The following TRPC6 variants were observed in gnomAD, a reference collection of about 807,000 sequenced individuals.
The protein encoded by TRPC6 is short transient receptor potential channel 6.
TRPC6 carries 55 observed loss-of-function variants against 90.7 expected under a neutral mutation model. The observed-to-expected ratio is 0.61, with a 90% CI of 0.49 to 0.76. The LOEUF is 0.76. Ranked by LOEUF, TRPC6 falls within the 30% of genes least tolerant of loss-of-function variation. TRPC6 has a pLI of 0.00. For synonymous variants in TRPC6, 393 were observed against 393.0 expected, an observed-to-expected ratio of 1.00 and a Z score of 0.00; for missense variants, 989 against 1,122.7, an observed-to-expected ratio of 0.88 and a Z score of 1.70.
chr11:101,542,603 C>T (rs893691358), intron 1 of TRPC6, among the ~76,000 whole-genome samples: 4 of 146,240 alleles, frequency 2.7e-5, no homozygotes, highest in Non-Finnish European at 4.5e-5. Context: ...TAAAAAGCTA[C>T]AGCATTAAAA....
At chr11:101,522,978 G>A (rs1032667657) in intron 1 of TRPC6, among the ~76,000 whole-genome samples, 1 of 152,202 alleles carries the variant, frequency 6.6e-6, no homozygotes, top group African/African-American at 2.4e-5. Context: ...ACAGAGTCTA[G>A]AGATGTCAGG....
At chr11:101,495,722 A>G (rs886476236) in intron 2 of TRPC6, among the ~76,000 whole-genome samples, 1 of 151,406 alleles carries the variant, frequency 6.6e-6, no homozygotes, top group African/African-American at 2.4e-5. Context: ...GTCATGTTGG[A>G]ATTCCTGGAT....
chr11:101,486,576 A>G (rs563866911), intron 4 of TRPC6, among the ~76,000 whole-genome samples: 3 of 152,268 alleles, frequency 2.0e-5, no homozygotes, highest in African/African-American at 7.2e-5. Flanking sequence ...AACAAAAACA[A>G]TTGATATTTG....
chr11:101,502,995 C>T (rs906014589), intron 2 of TRPC6, among the ~76,000 whole-genome samples: 1 of 152,218 alleles, frequency 6.6e-6, no homozygotes, highest in African/African-American at 2.4e-5. Context: ...ATATTCACTT[C>T]TGTAAAACAT....
chr11:101,515,307 G>A (rs1423404532), intron 1 of TRPC6, among the ~76,000 whole-genome samples: 1 of 152,106 alleles, frequency 6.6e-6, no homozygotes, highest in African/African-American at 2.4e-5. Context: ...TTGTTCGTTT[G>A]TTTTTTCCCT....
chr11:101,576,760 T>C (rs1862079763), intron 1 of TRPC6, among the ~76,000 whole-genome samples: 2 of 152,222 alleles, frequency 1.3e-5, no homozygotes, highest in South Asian at 4.1e-4. Flanking sequence ...AATTGCCTTA[T>C]GAAGTTACTT....
chr11:101,525,314 T>C (rs1370862778), intron 1 of TRPC6, among the ~76,000 whole-genome samples: 1 of 152,228 alleles, frequency 6.6e-6, no homozygotes, highest in African/African-American at 2.4e-5. Flanking sequence ...TTAGCTTCAG[T>C]TTCACCACCT....
At chr11:101,557,824 T>G (rs972544888) in intron 1 of TRPC6, among the ~76,000 whole-genome samples, 5 of 152,112 alleles carry the variant, frequency 3.3e-5, no homozygotes, top group Non-Finnish European at 7.4e-5. Context: ...GTGACTGTCT[T>G]CTACAAGGAA....
At chr11:101,565,663 C>G (rs1007216602) in intron 1 of TRPC6, among the ~76,000 whole-genome samples, 1 of 151,932 alleles carries the variant, frequency 6.6e-6, no homozygotes, top group African/African-American at 2.4e-5. Flanking sequence ...ATTTCTGCCC[C>G]TAAAATATAT....
chr11:101,474,528 C>T (rs1859368811), intron 6 of TRPC6, among the ~76,000 whole-genome samples: 1 of 152,044 alleles, frequency 6.6e-6, no homozygotes, highest in Admixed American at 6.6e-5. Context: ...GAGAGGATAA[C>T]AAGAAACTAA....
chr11:101,492,545 G>T (rs1392675385), intron 2 of TRPC6, among the ~76,000 whole-genome samples: 1 of 151,876 alleles, frequency 6.6e-6, no homozygotes, highest in Non-Finnish European at 1.5e-5. Context: ...TCATGCCACT[G>T]TCACTCTAGC....
At chr11:101,558,392 TACATATACACACAC>T (rs1861629613) in intron 1 of TRPC6, among the ~76,000 whole-genome samples, 1 of 79,120 alleles carries the variant, frequency 1.3e-5, no homozygotes, top group South Asian at 3.4e-4. Context: ...TATACATGTA[TACATATACACACAC>T]ACATATACAC....
chr11:101,488,895 T>C, intron 4 of TRPC6, 42 bp downstream of exon 4: 1 of 1,611,598 alleles, frequency 6.2e-7, no homozygotes, highest in Non-Finnish European at 8.5e-7. Flanking sequence ...ACTTAAAACA[T>C]ATTTCTAGTA....
rs145836025 is a variant in TRPC6, at chr11:101,552,434, T to C, written c.170+30900A>G. Among the ~76,000 whole-genome samples the C allele has an allele frequency of 3.9e-3, 601 of 152,256 alleles. 17 individuals carry two copies. The South Asian group carries it at 0.066, about 17-fold the overall frequency. On this transcript the variant is annotated intron_variant, in intron 1 of 12. Transcript: ENST00000344327. ...CATCACCTTCTGTCTCAGCAGTTTA[T>C]ATGTCAAGAAACAAAATGGTCCAGA...
chr11:101,572,857 AG>A (rs1861993995), intron 1 of TRPC6, among the ~76,000 whole-genome samples: 1 of 152,038 alleles, frequency 6.6e-6, no homozygotes, highest in Non-Finnish European at 1.5e-5. Context: ...GGGGCCTTTC[AG>A]GGGGTGAGGG....
At chr11:101,479,944 C>T (rs541972235) in intron 5 of TRPC6, among the ~76,000 whole-genome samples, 56 of 152,144 alleles carry the variant, frequency 3.7e-4, no homozygotes, top group African/African-American at 1.3e-3. Flanking sequence ...TTTGGGAGGC[C>T]GAGGTGGGCA....
chr11:101,460,315 T>C (rs1184431444), intron 10 of TRPC6, among the ~76,000 whole-genome samples: 1 of 152,174 alleles, frequency 6.6e-6, no homozygotes, highest in African/African-American at 2.4e-5. Flanking sequence ...TAAAAAATGG[T>C]GTACTATTTC....
intron 1 of TRPC6, among the ~76,000 whole-genome samples, chr11:101,554,425 C>A (rs1038799366): frequency 1.3e-5 from 2 of 149,836 alleles, no homozygotes; most frequent in Non-Finnish European, 3.0e-5. Context: ...AAAAAATTAA[C>A]CTGTTAAGAG....
chr11:101,580,278 T>C (rs903047548), intron 1 of TRPC6, among the ~76,000 whole-genome samples: 1 of 152,136 alleles, frequency 6.6e-6, no homozygotes, highest in African/African-American at 2.4e-5. Flanking sequence ...AAACATACCT[T>C]TAAAGTTCTA....
Sources: gnomAD v4.1 joint callset for allele counts (sites outside exome capture counted in the v4.1 genomes callset) on GRCh38, gnomAD v4.1.1 for gene constraint, MANE v1.5 for transcripts, NCBI Gene and HGNC (gene_info 2026-07-23, HGNC 2026-07-21) for gene names.